The following SMC2 variants were observed in gnomAD, a reference collection of about 807,000 sequenced individuals.
SMC2 encodes the protein structural maintenance of chromosomes protein 2.
In SMC2, 41 loss-of-function variants were observed where a neutral mutation model predicts 142.6. That is an observed-to-expected ratio of 0.29 (90% CI 0.22 to 0.37). SMC2 has a LOEUF of 0.37. Ranked by LOEUF, SMC2 falls within the 10% of genes least tolerant of loss-of-function variation. The probability of loss-of-function intolerance (pLI) is 1.00; values close to 1 mark genes in which losing one functional copy is unlikely to be tolerated. For missense variants in SMC2, 1,265 were observed against 1,373.7 expected (o/e 0.92, Z 1.25); for synonymous variants, 463 against 457.5 (o/e 1.01, Z -0.15).
chr9:104,124,589 G>A (rs1449425498), intron 17 of SMC2, among the ~76,000 whole-genome samples: 3 of 150,932 alleles, frequency 2.0e-5, no homozygotes, highest in Non-Finnish European at 4.4e-5. Flanking sequence ...CTGGTTTTAG[G>A]AAGCATACAA....
upstream of SMC2, among the ~76,000 whole-genome samples, chr9:104,091,709 C>G (rs952308459): frequency 5.3e-5 from 8 of 152,252 alleles, 1 homozygote; most frequent in Admixed American, 2.6e-4. Flanking sequence ...AGAAAGGATT[C>G]ACTCGGGTCC....
At chr9:104,136,041 T>C (rs999224573) in intron 23 of SMC2, 2 of 421,668 alleles carry the variant, frequency 4.7e-6, no homozygotes, top group South Asian at 1.7e-5. Flanking sequence ...AAAATCAGCA[T>C]AGTGATAGAA....
Position 104,096,128 on chromosome 9 carries a change from C to T in SMC2, c.169-20C>T. ...GGTAGGGAGTTTTGTAATTGTTACA[C>T]TTTTCATATTTTATTTTAGGTTCGG... On this transcript the variant is annotated intron_variant, in intron 2 of 24. Coordinates refer to ENST00000374793, the MANE Select transcript of SMC2 (RefSeq NM_006444.3). 1.2e-6 allele frequency: 2 copies of T among 1,607,210 alleles called. No homozygotes were observed. The highest frequency in any genetic ancestry group is 1.7e-5 in the Admixed American group (1 of 59,406).
rs1835973227 is a variant in SMC2, at chr9:104,140,509, T to C, written c.*1194T>C. On this transcript the variant is annotated 3_prime_UTR_variant, in exon 25 of 25. Coordinates refer to ENST00000374793, the MANE Select transcript of SMC2 (RefSeq NM_006444.3). ...TCTTATTTCCTTAGTGTTATTATCATACTTCCCCTGATATATGGCCGTACT... is the reference window on the plus strand; with the variant it reads ...TCTTATTTCCTTAGTGTTATTATCACACTTCCCCTGATATATGGCCGTACT... The C allele has an allele frequency of 6.6e-6, 1 of 152,564 alleles. No individual in the cohort carries two copies. The highest frequency in any genetic ancestry group is 1.5e-5 in the Non-Finnish European group (1 of 68,010). 9.5% of individuals were successfully genotyped at this position (152,564 alleles called of 1,614,324 possible).
chr9:104,089,660 A>T (rs1003446679), upstream of SMC2, among the ~76,000 whole-genome samples: 14 of 150,542 alleles, frequency 9.3e-5, no homozygotes, highest in Non-Finnish European at 1.5e-4. Context: ...GTACATGAAA[A>T]TTTTTTTTTT....
chr9:104,105,697 T>A (rs1483271498), intron 9 of SMC2, among the ~76,000 whole-genome samples: 1 of 152,152 alleles, frequency 6.6e-6, no homozygotes, highest in Non-Finnish European at 1.5e-5. Context: ...ATGTGACAGA[T>A]GCTATGTCCT....
intron 9 of SMC2, among the ~76,000 whole-genome samples, chr9:104,106,878 A>G (rs1272966135): frequency 6.6e-6 from 1 of 151,240 alleles, no homozygotes; most frequent in Non-Finnish European, 1.5e-5. Flanking sequence ...GTTCAGCCTC[A>G]GTCAAAAGAT....
At chr9:104,126,822 C>CGAATCTTT (rs772840038) in intron 19 of SMC2, 38 bp downstream of exon 19, 1 of 1,559,690 alleles carries the variant, frequency 6.4e-7, no homozygotes, top group Non-Finnish European at 8.7e-7. Context: ...ATTGAAAATG[C>CGAATCTTT]GAATCTTTTT....
At chr9:104,108,897 G>T (rs918275889) in intron 9 of SMC2, among the ~76,000 whole-genome samples, 2 of 152,114 alleles carry the variant, frequency 1.3e-5, no homozygotes, top group African/African-American at 4.8e-5. Flanking sequence ...TAGAGAAATG[G>T]GGGTGGTCAG....
At chr9:104,129,932 G>A in intron 21 of SMC2, 87 bp downstream of exon 21, 1 of 985,580 alleles carries the variant, frequency 1.0e-6, no homozygotes, top group Non-Finnish European at 1.5e-6. Context: ...AATTATTAGA[G>A]TTAACCTTTT....
At position 104,102,340 on chromosome 9, in the gene SMC2, GTGTT is replaced by G. The variant is rs1289696039; in HGVS notation, c.871-81_871-78del. The G allele has an allele frequency of 6.9e-6, 9 of 1,295,190 alleles. No homozygotes were observed. The South Asian group carries it at 7.4e-5, about 11-fold the overall frequency. 80.2% of individuals were successfully genotyped at this position (1,295,190 alleles called of 1,614,324 possible). The stretch of plus-strand genomic sequence containing the variant: ...AGATAATGAAATAACTTATAAAAAA[GTGTT>G]TGATACAGAACTCATACAATAAAAT... On this transcript the variant is annotated intron_variant, in intron 8 of 24. Coordinates refer to ENST00000374793, the MANE Select transcript of SMC2 (RefSeq NM_006444.3).
intron 23 of SMC2, 39 bp downstream of exon 23, chr9:104,134,614 C>A: frequency 1.3e-6 from 1 of 791,382 alleles, no homozygotes; most frequent in Middle Eastern, 3.2e-4. Flanking sequence ...TTTCATTCCT[C>A]TTTATTATAA....
rs771397893 is a variant in SMC2 at position 104,094,324 on chromosome 9, TC to T, written c.-213del. 9 of 398,740 alleles carry T rather than the reference TC, an allele frequency of 2.3e-5. No individual in the cohort carries two copies. The highest frequency in any genetic ancestry group is 2.5e-4 in the South Asian group (2 of 7,858). The allele number at this position is 398,740 out of a possible 1,614,324, so 24.7% of individuals were successfully genotyped here. On this transcript the variant is annotated 5_prime_UTR_variant, in exon 1 of 25. Transcript: ENST00000374793. ...GCCGAAATTCAAAGGAATAAATAGT[TC>T]CGGCGCGGGTGTTGAGAGCGGTGTG...
intron 9 of SMC2, 34 bp from the exon 10 acceptor site, chr9:104,111,547 T>G: frequency 6.9e-7 from 1 of 1,454,542 alleles, no homozygotes; most frequent in Admixed American, 1.8e-5. Context: ...TTTCCTGAAA[T>G]ATAATATTTT....
intron 18 of SMC2, among the ~76,000 whole-genome samples, chr9:104,125,840 T>C (rs1834208581): frequency 6.6e-6 from 1 of 152,206 alleles, no homozygotes; most frequent in South Asian, 2.1e-4. Context: ...GTTAATCACT[T>C]TTATGCGATT....
chr9:104,116,337 T>G lies in SMC2; in HGVS notation c.1791+18T>G, dbSNP rs1833109912. Reference sequence around the variant, plus strand: ...AGAATCTTGTAAGTCTCATTTTGTCTTATTTATATGTTTAATCGTCATCTG... The same window carrying G: ...AGAATCTTGTAAGTCTCATTTTGTCGTATTTATATGTTTAATCGTCATCTG... On this transcript the variant is annotated intron_variant, in intron 14 of 24. Coordinates refer to ENST00000374793, the MANE Select transcript of SMC2 (RefSeq NM_006444.3). 2 of 1,592,086 alleles carry G rather than the reference T, an allele frequency of 1.3e-6. No individual in the cohort carries two copies. The highest frequency in any genetic ancestry group is 2.7e-5 in the African/African-American group (2 of 73,712).
At chr9:104,136,305 A>G (rs1477885247) in intron 23 of SMC2, among the ~76,000 whole-genome samples, 1 of 151,904 alleles carries the variant, frequency 6.6e-6, no homozygotes, top group African/African-American at 2.4e-5. Context: ...CCCCTTTATC[A>G]TTTTTATGAG....
intron 16 of SMC2, among the ~76,000 whole-genome samples, chr9:104,120,454 G>T (rs1254609864): frequency 6.6e-6 from 1 of 152,180 alleles, no homozygotes; most frequent in African/African-American, 2.4e-5. Context: ...GGCTAGGGTT[G>T]CTGGGGAAAC....
chr9:104,106,528 G>C (rs1379333692), intron 9 of SMC2, among the ~76,000 whole-genome samples: 3 of 152,160 alleles, frequency 2.0e-5, no homozygotes, highest in Middle Eastern at 3.4e-3. Context: ...CAAGTAGTTG[G>C]GATTACAGGC....
Sources: gnomAD v4.1 joint callset for allele counts (sites outside exome capture counted in the v4.1 genomes callset) on GRCh38, gnomAD v4.1.1 for gene constraint, MANE v1.5 for transcripts, NCBI Gene and HGNC (gene_info 2026-07-23, HGNC 2026-07-21) for gene names.